MAP2: variants seen among roughly 807,000 people sequenced by gnomAD.
MAP2 encodes the protein microtubule-associated protein 2.
MAP2 carries 14 observed loss-of-function variants against 137.6 expected under a neutral mutation model. The ratio of observed to expected loss-of-function variants is 0.10; its 90% CI spans 0.07 to 0.16. The LOEUF (loss-of-function observed/expected upper bound fraction) is 0.16. Among genes scored for constraint, MAP2 ranks in the 10% least tolerant of loss-of-function variants. The probability of loss-of-function intolerance (pLI) is 1.00; values close to 1 mark genes in which losing one functional copy is unlikely to be tolerated. For synonymous variants in MAP2, 786 were observed against 782.3 expected (o/e 1.00, Z -0.08); for missense variants, 2,088 against 2,191.5 (o/e 0.95, Z 0.94).
At chr2:209,430,009 A>T (rs1693807104) in intron 1 of MAP2, among the ~76,000 whole-genome samples, 1 of 151,920 alleles carries the variant, frequency 6.6e-6, no homozygotes. Flanking sequence ...CTCTTCCCTT[A>T]AGAGTCTACC....
chr2:209,651,621 G>A (rs896792913), intron 4 of MAP2, among the ~76,000 whole-genome samples: 1 of 152,114 alleles, frequency 6.6e-6, no homozygotes, highest in African/African-American at 2.4e-5. Context: ...GTGAGGTAGC[G>A]ATACTCCCTG....
intron 1 of MAP2, among the ~76,000 whole-genome samples, chr2:209,500,548 C>T (rs749663914): frequency 6.6e-6 from 1 of 152,266 alleles, no homozygotes; most frequent in Non-Finnish European, 1.5e-5. Flanking sequence ...CTCCCCTTCA[C>T]TGATCTCCCA....
At chr2:209,643,450 A>C (rs1405566140) in intron 4 of MAP2, among the ~76,000 whole-genome samples, 1 of 152,182 alleles carries the variant, frequency 6.6e-6, no homozygotes, top group Non-Finnish European at 1.5e-5. Context: ...TAATTCAATT[A>C]CTTCTTTGAG....
intron 7 of MAP2, among the ~76,000 whole-genome samples, chr2:209,688,735 GA>G (rs1212112488): frequency 2.0e-5 from 3 of 151,502 alleles, no homozygotes; most frequent in African/African-American, 4.8e-5. Context: ...TTTTGGTAAA[GA>G]AAAAAAAGGT....
At chr2:209,577,009 C>T (rs1432481072) in intron 2 of MAP2, among the ~76,000 whole-genome samples, 1 of 152,142 alleles carries the variant, frequency 6.6e-6, no homozygotes, top group Non-Finnish European at 1.5e-5. Context: ...TTTTTTTAGA[C>T]TGACCAGGAC....
At chr2:209,567,163 G>A (rs1452089365) in intron 2 of MAP2, among the ~76,000 whole-genome samples, 2 of 151,854 alleles carry the variant, frequency 1.3e-5, no homozygotes, top group Non-Finnish European at 2.9e-5. Context: ...CCCCATCAGC[G>A]ACTTCTTCCA....
chr2:209,594,679 T>G (rs979179150), intron 3 of MAP2, among the ~76,000 whole-genome samples: 11 of 152,196 alleles, frequency 7.2e-5, no homozygotes, highest in Non-Finnish European at 1.5e-4. Flanking sequence ...ATATTTCATA[T>G]TTTTTACTCT....
At chr2:209,563,145 G>C (rs1014005506) in intron 2 of MAP2, among the ~76,000 whole-genome samples, 1 of 152,174 alleles carries the variant, frequency 6.6e-6, no homozygotes, top group African/African-American at 2.4e-5. Context: ...GAATATAAGA[G>C]AGTACAGAGT....
At chr2:209,450,654 C>A (rs1006875903) in intron 1 of MAP2, among the ~76,000 whole-genome samples, 1 of 152,204 alleles carries the variant, frequency 6.6e-6, no homozygotes, top group Non-Finnish European at 1.5e-5. Context: ...TAATGTCTTA[C>A]ACTTCTTCAG....
At chr2:209,577,206 G>A (rs2075491474) in intron 2 of MAP2, among the ~76,000 whole-genome samples, 2 of 151,908 alleles carry the variant, frequency 1.3e-5, no homozygotes, top group African/African-American at 4.8e-5. Flanking sequence ...TATATTTAAA[G>A]GGGCATTTTT....
At chr2:209,634,069 C>T (rs905080698) in intron 4 of MAP2, among the ~76,000 whole-genome samples, 1 of 152,120 alleles carries the variant, frequency 6.6e-6, no homozygotes, top group African/African-American at 2.4e-5. Context: ...CCAGCCACAC[C>T]GGAGAAGGGC....
At chr2:209,659,253 AT>A (rs531048560) in intron 5 of MAP2, among the ~76,000 whole-genome samples, 49 of 151,526 alleles carry the variant, frequency 3.2e-4, no homozygotes, top group African/African-American at 4.1e-4. Context: ...AGATGAGTGT[AT>A]TTTTTTTTCT....
intron 1 of MAP2, among the ~76,000 whole-genome samples, chr2:209,434,547 T>C (rs1176805876): frequency 2.0e-5 from 3 of 151,724 alleles, no homozygotes; most frequent in Non-Finnish European, 4.4e-5. Flanking sequence ...TACTGAAATG[T>C]TAAAAATATG....
At chr2:209,717,648 T>G (rs1358737549) in intron 13 of MAP2, among the ~76,000 whole-genome samples, 2 of 152,186 alleles carry the variant, frequency 1.3e-5, no homozygotes, top group Non-Finnish European at 2.9e-5. Flanking sequence ...GCTATTAACA[T>G]GTAAGCATAT....
At chr2:209,594,140 A>T (rs2080563925) in intron 3 of MAP2, among the ~76,000 whole-genome samples, 1 of 146,810 alleles carries the variant, frequency 6.8e-6, no homozygotes, top group African/African-American at 2.5e-5. Context: ...AGATGAAAAA[A>T]AAAAAAAAAA....
chr2:209,625,239 G>A (rs1433561130), intron 4 of MAP2, 110 bp downstream of exon 4: 1 of 151,990 alleles, frequency 6.6e-6, no homozygotes, highest in Non-Finnish European at 1.5e-5. Flanking sequence ...TTTTAGTAAT[G>A]GAGAAATAAC....
At chr2:209,495,364 C>G (rs1446699573) in intron 1 of MAP2, among the ~76,000 whole-genome samples, 1 of 152,092 alleles carries the variant, frequency 6.6e-6, no homozygotes, top group Non-Finnish European at 1.5e-5. Flanking sequence ...CTCAAATGAG[C>G]CCCTGACCCC....
At chr2:209,444,484 T>G (rs942917040) in intron 1 of MAP2, among the ~76,000 whole-genome samples, 3 of 151,486 alleles carry the variant, frequency 2.0e-5, no homozygotes, top group Admixed American at 6.6e-5. Context: ...ATTCAGTAAG[T>G]CAGTATCATT....
chr2:209,437,240 G>A lies in MAP2; in HGVS notation c.-222+12964G>A, dbSNP rs980761593. 2.0e-5 allele frequency among the ~76,000 whole-genome samples: 3 copies of A among 151,664 alleles called. No homozygotes were observed. In the East Asian group the frequency reaches 5.8e-4, roughly 29 times the overall value. ...CCTTTCACTGTTCGTTATCACAAATGTCTTTTAAACAGTTTTTCAACCCTC... is the reference window on the plus strand; with the variant it reads ...CCTTTCACTGTTCGTTATCACAAATATCTTTTAAACAGTTTTTCAACCCTC... On this transcript the variant is annotated intron_variant, in intron 1 of 15. Transcript: ENST00000682079.
Sources: allele counts gnomAD v4.1 joint callset (sites outside exome capture counted in the v4.1 genomes callset), GRCh38; gene constraint gnomAD v4.1.1; transcripts MANE v1.5; gene names NCBI Gene and HGNC (gene_info 2026-07-23, HGNC 2026-07-21).